Variants in COL14A1 observed in about 807,000 individuals in gnomAD.
The protein encoded by COL14A1 is collagen type XIV alpha 1 chain.
In COL14A1, 136 loss-of-function variants were observed where a neutral mutation model predicts 230.3. The ratio of observed to expected loss-of-function variants is 0.59; its 90% CI spans 0.51 to 0.68. The LOEUF is 0.68. Ranked by LOEUF, COL14A1 falls within the 30% of genes least tolerant of loss-of-function variation. COL14A1 has a pLI of 0.00. For missense variants in COL14A1, 1,976 were observed against 2,215.8 expected (o/e 0.89, Z 2.17); for synonymous variants, 792 against 784.1 (o/e 1.01, Z -0.17).
At chr8:120,174,034 A>G (rs1232692412) in intron 5 of COL14A1, among the ~76,000 whole-genome samples, 1 of 152,204 alleles carries the variant, frequency 6.6e-6, no homozygotes, top group African/African-American at 2.4e-5. Flanking sequence ...ATCTGTGAGT[A>G]TGTAAAACAT....
intron 45 of COL14A1, among the ~76,000 whole-genome samples, chr8:120,362,481 T>C (rs1823253820): frequency 6.6e-6 from 1 of 152,220 alleles, no homozygotes; most frequent in South Asian, 2.1e-4. Context: ...AATGTGTGAC[T>C]GGCACTTGGA....
chr8:120,221,469 T>A (rs1356010404), intron 14 of COL14A1, among the ~76,000 whole-genome samples: 1 of 152,040 alleles, frequency 6.6e-6, no homozygotes, highest in Non-Finnish European at 1.5e-5. Flanking sequence ...TGAAGTAAAA[T>A]AATCAATGCT....
At chr8:120,139,754 G>A (rs1025535853) in intron 1 of COL14A1, among the ~76,000 whole-genome samples, 1 of 152,138 alleles carries the variant, frequency 6.6e-6, no homozygotes, top group Non-Finnish European at 1.5e-5. Context: ...AGCCAAGTGC[G>A]GTGGCTCATG....
intron 5 of COL14A1, among the ~76,000 whole-genome samples, chr8:120,194,280 T>C (rs574198704): frequency 2.6e-4 from 40 of 152,308 alleles, no homozygotes; most frequent in African/African-American, 9.4e-4. Context: ...TTATGTGACA[T>C]AAACACTCAA....
intron 14 of COL14A1, among the ~76,000 whole-genome samples, chr8:120,223,700 A>G (rs1818003768): frequency 6.6e-6 from 1 of 152,144 alleles, no homozygotes; most frequent in Admixed American, 6.6e-5. Flanking sequence ...AAGGGATCTT[A>G]TTGCTCTGCT....
chr8:120,177,466 A>G (rs1816316132), intron 5 of COL14A1, among the ~76,000 whole-genome samples: 1 of 151,876 alleles, frequency 6.6e-6, no homozygotes, highest in African/African-American at 2.4e-5. Context: ...CTGGCCAACA[A>G]GGCGAAACCT....
chr8:120,162,697 T>C (rs1815723868), intron 4 of COL14A1, 128 bp downstream of exon 4: 1 of 741,442 alleles, frequency 1.3e-6, no homozygotes, highest in Non-Finnish European at 2.0e-6. Context: ...TAGAAGACCT[T>C]CAGTCTTACC....
chr8:120,357,959 C>T (rs1263498164), intron 45 of COL14A1, among the ~76,000 whole-genome samples: 4 of 152,052 alleles, frequency 2.6e-5, no homozygotes, highest in African/African-American at 9.7e-5. Flanking sequence ...AGAACAAAAT[C>T]CATTTTCAAA....
At chr8:120,350,030 C>A (rs922339801) in intron 45 of COL14A1, among the ~76,000 whole-genome samples, 6 of 142,074 alleles carry the variant, frequency 4.2e-5, no homozygotes, top group Admixed American at 4.2e-4. Flanking sequence ...AGACTAACAG[C>A]GGATCTCTCG....
chr8:120,233,806 T>C (rs1818353849), intron 19 of COL14A1, among the ~76,000 whole-genome samples: 1 of 152,228 alleles, frequency 6.6e-6, no homozygotes, highest in Admixed American at 6.5e-5. Flanking sequence ...TATGGACTCT[T>C]TTTTGGTTCC....
intron 45 of COL14A1, among the ~76,000 whole-genome samples, chr8:120,355,109 GACT>G (rs1822930944): frequency 6.6e-6 from 1 of 152,152 alleles, no homozygotes. Context: ...TCCAGTGATT[GACT>G]ACTATTTGTC....
At chr8:120,163,408 C>T (rs1815757077) in intron 4 of COL14A1, among the ~76,000 whole-genome samples, 1 of 152,106 alleles carries the variant, frequency 6.6e-6, no homozygotes. Context: ...GAAAGCTCTG[C>T]GATGGTCCAA....
At position 120,278,517 on chromosome 8, in the gene COL14A1, T is replaced by C; in HGVS notation, c.3420T>C (p.Val1140=). The change falls in exon 28 of 48, where the codon GTT becomes GTC. Residue 1140 remains valine, a synonymous_variant. Coordinates refer to ENST00000297848, the MANE Select transcript of COL14A1 (RefSeq NM_021110.4). ...TRRGIPKVIV[V]ITDGRSQDDV... is the part of the protein sequence containing the mutation. ...GGGGCATCCCAAAGGTTATCGTGGT[T>C]ATAACTGATGGAAGATCACAAGATG... 1 of 1,613,156 alleles carries C rather than the reference T, an allele frequency of 6.2e-7. No individual in the cohort carries two copies. The highest frequency in any genetic ancestry group is 1.1e-5 in the South Asian group (1 of 91,018).
intron 20 of COL14A1, among the ~76,000 whole-genome samples, chr8:120,245,214 T>C (rs1335777615): frequency 6.6e-6 from 1 of 152,182 alleles, no homozygotes; most frequent in Non-Finnish European, 1.5e-5. Flanking sequence ...CTTTTTTGTT[T>C]GTTGTTTTTG....
At chr8:120,348,989 C>G (rs942005741) in intron 45 of COL14A1, among the ~76,000 whole-genome samples, 1 of 152,204 alleles carries the variant, frequency 6.6e-6, no homozygotes, top group East Asian at 1.9e-4. Context: ...ATGTCCCTGT[C>G]TGACAGCTTT....
intron 45 of COL14A1, among the ~76,000 whole-genome samples, chr8:120,365,671 A>T (rs1045675744): frequency 4.6e-5 from 7 of 152,198 alleles, no homozygotes; most frequent in African/African-American, 1.7e-4. Context: ...CTCAGATGAG[A>T]TGGTATTTTT....
At chr8:120,198,911 C>T (rs114627106) in intron 7 of COL14A1, among the ~76,000 whole-genome samples, 8 of 152,238 alleles carry the variant, frequency 5.3e-5, no homozygotes, top group African/African-American at 1.7e-4. Context: ...TGCACCATTT[C>T]TTATTTTTTT....
At chr8:120,131,668 T>A (rs753542068) in intron 1 of COL14A1, among the ~76,000 whole-genome samples, 39 of 152,184 alleles carry the variant, frequency 2.6e-4, no homozygotes, top group Middle Eastern at 3.4e-3. Flanking sequence ...ATTGTCTATT[T>A]ACTCTCTTGA....
At chr8:120,262,386 T>A (rs962353501) in intron 23 of COL14A1, among the ~76,000 whole-genome samples, 2 of 151,928 alleles carry the variant, frequency 1.3e-5, no homozygotes, top group Non-Finnish European at 2.9e-5. Flanking sequence ...GGCAGGCGCA[T>A]TGCTTGAACC....
Sources: allele counts gnomAD v4.1 joint callset (sites outside exome capture counted in the v4.1 genomes callset), GRCh38; gene constraint gnomAD v4.1.1; transcripts MANE v1.5; gene names NCBI Gene and HGNC (gene_info 2026-07-23, HGNC 2026-07-21).